BNC2: variants seen among roughly 807,000 people sequenced by gnomAD.
BNC2 encodes the protein zinc finger protein basonuclin-2.
Under a neutral mutation model 76.3 loss-of-function variants are expected in BNC2, and 20 were observed. The ratio of observed to expected loss-of-function variants is 0.26; its 90% CI spans 0.18 to 0.38. The LOEUF is 0.38. BNC2 is among the 10% of genes least tolerant of loss of function. The probability of loss-of-function intolerance (pLI) is 1.00; values close to 1 mark genes in which losing one functional copy is unlikely to be tolerated. For synonymous variants in BNC2, 582 were observed against 514.8 expected (o/e 1.13, Z -1.77); for missense variants, 1,382 against 1,399.8 (o/e 0.99, Z 0.20).
chr9:16,711,841 G>C (rs1263290360), intron 3 of BNC2, among the ~76,000 whole-genome samples: 2 of 152,168 alleles, frequency 1.3e-5, no homozygotes, highest in East Asian at 1.9e-4. Context: ...GCAAATTAAA[G>C]GTATTTCTCT....
chr9:16,561,778 T>G (rs1471739532), intron 4 of BNC2, among the ~76,000 whole-genome samples: 1 of 152,062 alleles, frequency 6.6e-6, no homozygotes, highest in Non-Finnish European at 1.5e-5. Context: ...CTGAGCCAGG[T>G]GGATTGTTTG....
chr9:16,780,788 T>C (rs1220680713), intron 1 of BNC2, among the ~76,000 whole-genome samples: 2 of 152,110 alleles, frequency 1.3e-5, no homozygotes, highest in East Asian at 3.9e-4. Flanking sequence ...CCAAGTGGCT[T>C]CTAGTATTAA....
At chr9:16,473,713 A>G (rs1005651730) in intron 5 of BNC2, among the ~76,000 whole-genome samples, 1 of 151,960 alleles carries the variant, frequency 6.6e-6, no homozygotes, top group African/African-American at 2.4e-5. Flanking sequence ...TCTCTACTAA[A>G]ATTACAAAAA....
intron 3 of BNC2, among the ~76,000 whole-genome samples, chr9:16,606,296 CTCTG>C (rs1335274522): frequency 6.6e-6 from 1 of 150,698 alleles, no homozygotes; most frequent in African/African-American, 2.5e-5. Flanking sequence ...AAAAAGTTCA[CTCTG>C]TCAGAGACTC....
At chr9:16,720,591 G>T (rs2134865071) in intron 3 of BNC2, among the ~76,000 whole-genome samples, 1 of 152,212 alleles carries the variant, frequency 6.6e-6, no homozygotes, top group African/African-American at 2.4e-5. Flanking sequence ...ACTTCCTACT[G>T]TTCAAGATTA....
chr9:16,494,281 T>C (rs1822339230), intron 5 of BNC2, among the ~76,000 whole-genome samples: 1 of 151,884 alleles, frequency 6.6e-6, no homozygotes, highest in Non-Finnish European at 1.5e-5. Context: ...GCCTCCTGAG[T>C]AGCTAGGATT....
At chr9:16,664,298 T>G (rs1822201365) in intron 3 of BNC2, among the ~76,000 whole-genome samples, 1 of 152,204 alleles carries the variant, frequency 6.6e-6, no homozygotes, top group South Asian at 2.1e-4. Context: ...CTACATATTT[T>G]GTTGCTCAGA....
chr9:16,717,168 A>G (rs1824016081), intron 3 of BNC2, among the ~76,000 whole-genome samples: 1 of 151,856 alleles, frequency 6.6e-6, no homozygotes, highest in African/African-American at 2.4e-5. Flanking sequence ...ATCTCTCCGC[A>G]CCCCTTTCAC....
chr9:16,791,745 T>C (rs10962594), intron 1 of BNC2, among the ~76,000 whole-genome samples: 33,072 of 152,098 alleles, frequency 0.22, 4,963 homozygotes, highest in East Asian at 0.63. Context: ...TAAGTAATAC[T>C]ACTACCTCTT....
chr9:16,648,102 CAT>C (rs2133919850), intron 3 of BNC2, among the ~76,000 whole-genome samples: 1 of 152,140 alleles, frequency 6.6e-6, no homozygotes, highest in East Asian at 1.9e-4. Context: ...TAAAAAAAGA[CAT>C]ATGAAGTTTC....
At position 16,766,868 on chromosome 9, in the gene BNC2, T is replaced by C. The variant is rs539886130; in HGVS notation, c.4-28383A>G. On this transcript the variant is annotated intron_variant, in intron 1 of 6. Transcript: ENST00000380672. ...GCTCTCACAAAAAGCTGGCTGGAGG[T>C]TGCCCTCCCCACACAAAAAAACAAC... 2.0e-5 allele frequency among the ~76,000 whole-genome samples: 3 copies of C among 152,084 alleles called. No individual in the cohort carries two copies. In the East Asian group the frequency reaches 5.8e-4, roughly 29 times the overall value.
chr9:16,583,189 T>C, intron 3 of BNC2, 104 bp from the exon 4 acceptor site: 3 of 939,008 alleles, frequency 3.2e-6, no homozygotes, highest in Non-Finnish European at 5.1e-6. Flanking sequence ...AAAGATTTTA[T>C]GATGGTAGGG....
intron 5 of BNC2, among the ~76,000 whole-genome samples, chr9:16,497,606 G>C (rs1338839780): frequency 6.6e-6 from 1 of 151,966 alleles, no homozygotes. Context: ...TAAACAAATA[G>C]GTAAACAAAT....
At chr9:16,656,282 G>C (rs185021475) in intron 3 of BNC2, among the ~76,000 whole-genome samples, 3 of 152,304 alleles carry the variant, frequency 2.0e-5, no homozygotes, top group African/African-American at 7.2e-5. Flanking sequence ...ACCCGTAAAA[G>C]CAGGAGACAA....
At chr9:16,473,255 A>C (rs1214896080) in intron 5 of BNC2, 1 of 152,228 alleles carries the variant, frequency 6.6e-6, no homozygotes, top group African/African-American at 2.4e-5. Flanking sequence ...CAGATTCTTT[A>C]ACAACCGACC....
At chr9:16,758,055 G>T (rs1190085122) in intron 1 of BNC2, among the ~76,000 whole-genome samples, 1 of 152,128 alleles carries the variant, frequency 6.6e-6, no homozygotes, top group Non-Finnish European at 1.5e-5. Context: ...TATCAGCAGG[G>T]CTGCCATCCA....
chr9:16,461,922 T>C (rs1324944105), intron 5 of BNC2, among the ~76,000 whole-genome samples: 3 of 152,234 alleles, frequency 2.0e-5, no homozygotes, highest in Non-Finnish European at 4.4e-5. Context: ...TTCTCTTTAG[T>C]ATGAAAGTAA....
chr9:16,768,263 G>T (rs1194608264), intron 1 of BNC2, among the ~76,000 whole-genome samples: 1 of 152,050 alleles, frequency 6.6e-6, no homozygotes, highest in Non-Finnish European at 1.5e-5. Flanking sequence ...ACCATGACAG[G>T]CCAGTGTATG....
intron 3 of BNC2, among the ~76,000 whole-genome samples, chr9:16,704,005 G>A (rs1823589365): frequency 6.6e-6 from 1 of 152,176 alleles, no homozygotes; most frequent in South Asian, 2.1e-4. Context: ...AAATTGAAGA[G>A]AAATGCAGTC....
Sources: allele counts gnomAD v4.1 joint callset (sites outside exome capture counted in the v4.1 genomes callset), GRCh38; gene constraint gnomAD v4.1.1; transcripts MANE v1.5; gene names NCBI Gene and HGNC (gene_info 2026-07-23, HGNC 2026-07-21).